TRIM44: variants seen among roughly 807,000 people sequenced by gnomAD.
The protein encoded by TRIM44 is tripartite motif containing 44, also known as tripartite motif-containing protein 44.
A neutral mutation model predicts 37.4 loss-of-function variants in TRIM44; 13 were observed. The ratio of observed to expected loss-of-function variants is 0.35; its 90% CI spans 0.23 to 0.55. TRIM44 has a LOEUF of 0.55. Ranked by LOEUF, TRIM44 falls within the 20% of genes least tolerant of loss-of-function variation. TRIM44 has a pLI of 0.89. For synonymous variants in TRIM44, 175 were observed against 157.2 expected, an observed-to-expected ratio of 1.11 and a Z score of -0.85; for missense variants, 426 against 437.2, an observed-to-expected ratio of 0.97 and a Z score of 0.23.
intron 2 of TRIM44, among the ~76,000 whole-genome samples, chr11:35,700,467 C>T (rs1851771934): frequency 6.6e-6 from 1 of 152,214 alleles, no homozygotes; most frequent in African/African-American, 2.4e-5. Flanking sequence ...ATTCTCCTCA[C>T]ACACCTTGCT....
chr11:35,793,521 T>C (rs1286452496), intron 4 of TRIM44, among the ~76,000 whole-genome samples: 2 of 152,040 alleles, frequency 1.3e-5, no homozygotes, highest in Non-Finnish European at 2.9e-5. Flanking sequence ...TGAGACTCTG[T>C]CTCAAAAATA....
chr11:35,737,070 G>T (rs191787427), intron 4 of TRIM44, among the ~76,000 whole-genome samples: 1 of 152,274 alleles, frequency 6.6e-6, no homozygotes, highest in East Asian at 1.9e-4. Context: ...GGGCTCCTAA[G>T]TTAGTCTTGG....
At chr11:35,781,110 A>G (rs977594352) in intron 4 of TRIM44, among the ~76,000 whole-genome samples, 1 of 152,202 alleles carries the variant, frequency 6.6e-6, no homozygotes, top group African/African-American at 2.4e-5. Flanking sequence ...GAAAGTGTTC[A>G]AAGGGCCAAG....
chr11:35,690,347 C>G (rs1342316678), intron 2 of TRIM44, among the ~76,000 whole-genome samples: 1 of 152,146 alleles, frequency 6.6e-6, no homozygotes, highest in Non-Finnish European at 1.5e-5. Context: ...CAGCCTAGTC[C>G]TTCACTCTTC....
intron 4 of TRIM44, among the ~76,000 whole-genome samples, chr11:35,743,471 T>A (rs1168670060): frequency 1.3e-5 from 2 of 152,352 alleles, no homozygotes; most frequent in Non-Finnish European, 2.9e-5. Context: ...TCTCACATCT[T>A]ACTATACTTA....
intron 1 of TRIM44, among the ~76,000 whole-genome samples, chr11:35,673,143 G>T (rs1851418627): frequency 6.6e-6 from 1 of 152,208 alleles, no homozygotes; most frequent in Non-Finnish European, 1.5e-5. Context: ...GAGTAATTTT[G>T]GATGGTGTTA....
intron 2 of TRIM44, among the ~76,000 whole-genome samples, chr11:35,717,584 C>T (rs1246884616): frequency 2.0e-5 from 3 of 152,108 alleles, no homozygotes; most frequent in Non-Finnish European, 2.9e-5. Flanking sequence ...GCCAGCTCTG[C>T]GTGCATTAAA....
intron 4 of TRIM44, among the ~76,000 whole-genome samples, chr11:35,791,048 A>G (rs942222364): frequency 6.6e-6 from 1 of 152,208 alleles, no homozygotes; most frequent in East Asian, 1.9e-4. Context: ...TTTCCATTTC[A>G]GAGCCCTCCC....
intron 3 of TRIM44, among the ~76,000 whole-genome samples, chr11:35,732,846 C>T (rs370285921): frequency 1.1e-4 from 16 of 152,134 alleles, no homozygotes; most frequent in East Asian, 3.8e-4. Flanking sequence ...CTATTCAAAA[C>T]GGCTTTATAA....
At position 35,726,473 on chromosome 11, in the gene TRIM44, G is replaced by T. The variant is rs78647470; in HGVS notation, c.987+310G>T. Among the ~76,000 whole-genome samples the T allele has an allele frequency of 0.014, 2,111 of 152,252 alleles. 118 individuals carry two copies. In the East Asian group the frequency reaches 0.14, roughly 10 times the overall value. On this transcript the variant is annotated intron_variant, in intron 3 of 4. Transcript: ENST00000299413. ...GGGCAAGCGACAGACCCCAAGTTGTGAAATGAGCCTTTAAAGTCATCATAG... is the reference window on the plus strand; with the variant it reads ...GGGCAAGCGACAGACCCCAAGTTGTTAAATGAGCCTTTAAAGTCATCATAG...
chr11:35,777,123 A>G (rs975334180), intron 4 of TRIM44, among the ~76,000 whole-genome samples: 2 of 152,162 alleles, frequency 1.3e-5, no homozygotes, highest in Non-Finnish European at 2.9e-5. Flanking sequence ...GACTTGCTTT[A>G]TGAATCTGGG....
intron 2 of TRIM44, among the ~76,000 whole-genome samples, chr11:35,697,657 T>C (rs1466265493): frequency 6.6e-6 from 1 of 151,832 alleles, no homozygotes; most frequent in African/African-American, 2.4e-5. Flanking sequence ...CCTGTGTCCA[T>C]GTGTTCTCAT....
intron 3 of TRIM44, among the ~76,000 whole-genome samples, chr11:35,732,618 C>G (rs1852276324): frequency 6.6e-6 from 1 of 152,144 alleles, no homozygotes; most frequent in Non-Finnish European, 1.5e-5. Flanking sequence ...GTTTTCTTCT[C>G]TAAGTACTAG....
chr11:35,685,265 G>C lies in TRIM44; in HGVS notation c.676G>C (p.Asp226His). The C allele has an allele frequency of 1.2e-6, 2 of 1,614,176 alleles. No homozygotes were observed. Among genetic ancestry groups the C allele is most frequent in the Non-Finnish European group, 1.7e-6 (2 of 1,180,002 alleles). ...TCACTTTTCTTTCTTCTAGAGCAAA[G>C]ACTCAGGTGGACTGAAGGCCGCTAT... Reference protein sequence around the residue: ...DEAFEELRSKDSGGLKAAMIE... With the variant: ...DEAFEELRSKHSGGLKAAMIE... Residue 226 changes from aspartate (D) to histidine (H), a missense_variant, in exon 2 of 5, where the codon GAC (aspartate) becomes CAC (histidine). Physicochemically the swap from Asp to His is moderately conservative, Grantham distance 81. Transcript: ENST00000299413.
chr11:35,792,757 C>A (rs900483378), intron 4 of TRIM44, among the ~76,000 whole-genome samples: 2 of 152,140 alleles, frequency 1.3e-5, no homozygotes, highest in Non-Finnish European at 1.5e-5. Context: ...TACAACATAA[C>A]GGTGCTGAGG....
chr11:35,770,616 GT>G (rs1389121973), intron 4 of TRIM44, among the ~76,000 whole-genome samples: 3 of 152,082 alleles, frequency 2.0e-5, no homozygotes, highest in Non-Finnish European at 4.4e-5. Context: ...TCTCATTGTG[GT>G]TTTGACTTGC....
In TRIM44 at chr11:35,812,384, G is replaced by C. The variant is rs1048017215; in HGVS notation, c.*5999G>C. The stretch of plus-strand genomic sequence containing the variant: ...CAGACTGCACTAAGTGTCTGTGCTT[G>C]TTAACTATTGTAATCTCCAGGTTTA... On this transcript the variant is annotated 3_prime_UTR_variant, in exon 5 of 5. Coordinates refer to ENST00000299413, the MANE Select transcript of TRIM44 (RefSeq NM_017583.6). The C allele has an allele frequency of 6.6e-6, 1 of 152,180 alleles. No homozygotes were observed. The highest frequency in any genetic ancestry group is 6.5e-5 in the Admixed American group (1 of 15,274). The allele number at this position is 152,180 out of a possible 1,614,324, so 9.4% of individuals were successfully genotyped here.
At chr11:35,708,928 TAAAA>T (rs913807646) in intron 2 of TRIM44, among the ~76,000 whole-genome samples, 1 of 150,178 alleles carries the variant, frequency 6.7e-6, no homozygotes, top group African/African-American at 2.4e-5. Flanking sequence ...AAAAAATAAA[TAAAA>T]AATGAAAACA....
chr11:35,792,111 A>ACACACTCTCT (rs796092540), intron 4 of TRIM44, among the ~76,000 whole-genome samples: 68 of 114,290 alleles, frequency 5.9e-4, no homozygotes, highest in Non-Finnish European at 5.7e-4. Context: ...ACACACACAC[A>ACACACTCTCT]CTCTCTCTCA....
Sources: gnomAD v4.1 joint callset for allele counts (sites outside exome capture counted in the v4.1 genomes callset) on GRCh38, gnomAD v4.1.1 for gene constraint, MANE v1.5 for transcripts, NCBI Gene and HGNC (gene_info 2026-07-23, HGNC 2026-07-21) for gene names.